TARS2: variants seen among roughly 807,000 people sequenced by gnomAD.
The protein encoded by TARS2 is threonine--tRNA ligase, mitochondrial.
In TARS2, 61 loss-of-function variants were observed where a neutral mutation model predicts 94.4. That is an observed-to-expected ratio of 0.65 (90% CI 0.53 to 0.80). The LOEUF is 0.80. Ranked by LOEUF, TARS2 falls within the 30% of genes least tolerant of loss-of-function variation. The probability of loss-of-function intolerance (pLI) is 0.00; values close to 1 mark genes in which losing one functional copy is unlikely to be tolerated. For synonymous variants in TARS2, 359 were observed against 353.4 expected (o/e 1.02, Z -0.18); for missense variants, 704 against 902.5 (o/e 0.78, Z 2.82).
chr1:150,498,597 T>C lies in TARS2; in HGVS notation c.1334T>C (p.Leu445Pro), dbSNP rs1560252876. ...CACCGGGCCGAAGCCTCTGGTGGTC[T>C]GGGGGGACTGACCCGACTGCGGTGC... ...ALHRAEASGG[L>P]GGLTRLRCFQ... Residue 445 changes from leucine (L) to proline (P), a missense_variant, in exon 11 of 18, where the codon CTG (leucine) becomes CCG (proline). Leu to Pro is a moderately conservative substitution (Grantham distance 98). Around this residue, in one of 3 missense-constraint regions of TARS2, gnomAD observed 466 missense variants for 609.5 expected, o/e 0.76. Transcript: ENST00000369064. 1 of 1,612,218 alleles carries C rather than the reference T, an allele frequency of 6.2e-7. No individual in the cohort carries two copies. Among genetic ancestry groups the C allele is most frequent in the South Asian group, 1.1e-5 (1 of 90,832 alleles).
At chr1:150,491,709 G>A (rs376067211) in intron 6 of TARS2, 47 bp downstream of exon 6, 27 of 1,587,100 alleles carry the variant, frequency 1.7e-5, no homozygotes, top group Non-Finnish European at 2.3e-5. Flanking sequence ...GGGAAGCATT[G>A]AAGAAGGCCA....
chr1:150,487,437 T>C lies in TARS2; in HGVS notation c.-14T>C, dbSNP rs760324863. On this transcript the variant is annotated 5_prime_UTR_variant, in exon 1 of 18. Coordinates refer to ENST00000369064, the MANE Select transcript of TARS2 (RefSeq NM_025150.5). The stretch of plus-strand genomic sequence containing the variant: ...ATAATCTGTTTGAGGATGTAGGCAC[T>C]GGTGTGAAGGAACATGGCCCTGTAT... 1.7e-5 allele frequency: 27 copies of C among 1,614,066 alleles called. No homozygotes were observed. The highest frequency in any genetic ancestry group is 2.2e-5 in the Non-Finnish European group (26 of 1,180,046).
At chr1:150,497,973 G>A (rs776929329) in intron 10 of TARS2, among the ~76,000 whole-genome samples, 15 of 151,752 alleles carry the variant, frequency 9.9e-5, no homozygotes, top group Non-Finnish European at 1.5e-4. Context: ...GGCGCCTGTA[G>A]TCCCAGCTAC....
In TARS2 at chr1:150,491,586, A is replaced by C. The variant is rs758330909; in HGVS notation, c.631-12A>C. On this transcript the variant is annotated splice_polypyrimidine_tract_variant and intron_variant, in intron 5 of 17. Transcript: ENST00000369064. ...AACACTTTTCTTCAATCTCCCTTCT[A>C]CCTTTTTCCAGGATAACCCCTTTAA... 1.9e-6 allele frequency: 3 copies of C among 1,614,078 alleles called. No individual in the cohort carries two copies. The South Asian group carries it at 3.3e-5, about 18-fold the overall frequency.
At chr1:150,499,090 T>G in intron 12 of TARS2, 56 bp downstream of exon 12, 1 of 1,612,976 alleles carries the variant, frequency 6.2e-7, no homozygotes, top group Non-Finnish European at 8.5e-7. Flanking sequence ...TGGGAAGGAG[T>G]GGAGAATACA....
Position 150,491,602 on chromosome 1 carries a change from A to C in TARS2, c.635A>C (p.Asn212Thr). Residue 212 changes from asparagine to threonine, a missense_variant, in exon 6 of 18, where the codon AAC becomes ACC. Coordinates refer to ENST00000369064, the MANE Select transcript of TARS2 (RefSeq NM_025150.5). ...RDQLRQLFKD[N>T]PFKLHLIEEK... ...CTCCCTTCTACCTTTTTCCAGGATA[A>C]CCCCTTTAAGCTTCACTTGATTGAG... 6.2e-7 allele frequency: 1 copy of C among 1,614,044 alleles called. No individual in the cohort carries two copies. Among genetic ancestry groups the C allele is most frequent in the Non-Finnish European group, 8.5e-7 (1 of 1,180,014 alleles).
chr1:150,505,478 C>G (rs587679713), intron 16 of TARS2, 113 bp from the exon 17 acceptor site: 7 of 959,544 alleles, frequency 7.3e-6, no homozygotes, highest in Non-Finnish European at 8.4e-6. Context: ...TGGAGAGCCC[C>G]GAGGCAGGGA....
Position 150,498,983 on chromosome 1 carries a change from C to T in TARS2, c.1488C>T (p.Thr496=), listed in dbSNP as rs1244143168. The T allele has an allele frequency of 1.9e-6, 3 of 1,614,216 alleles. No homozygotes were observed. Among genetic ancestry groups the T allele is most frequent in the South Asian group, 1.1e-5 (1 of 91,084 alleles). Residue 496 remains threonine, a synonymous_variant, in exon 12 of 18, where the codon ACC becomes ACT. Transcript: ENST00000369064. ...TCTCCTTCCGCCTGGCACTGTCCAC[C>T]CGGCCATCTGGCTTCCTGGGGGACC... ...LGFSFRLALS[T]RPSGFLGDPC...
chr1:150,503,665 A>T, intron 13 of TARS2, among the ~76,000 whole-genome samples: 2 of 149,636 alleles, frequency 1.3e-5, no homozygotes, highest in Non-Finnish European at 3.0e-5. Flanking sequence ...ATATGTGTGT[A>T]TATATGTGTG....
At chr1:150,487,790 C>T in intron 1 of TARS2, 68 bp from the exon 2 acceptor site, 2 of 1,561,324 alleles carry the variant, frequency 1.3e-6, no homozygotes, top group Non-Finnish European at 1.7e-6. Flanking sequence ...TCCCAAAGTG[C>T]CATCATCTGC....
intron 3 of TARS2, among the ~76,000 whole-genome samples, chr1:150,489,771 G>A (rs1332575552): frequency 2.0e-5 from 3 of 151,986 alleles, no homozygotes; most frequent in Admixed American, 6.6e-5. Context: ...TAGAAACCCC[G>A]TCTCTACTAA....
chr1:150,504,403 A>C lies in TARS2; in HGVS notation c.1686A>C (p.Gln562His). Residue 562 changes from glutamine to histidine, a missense_variant, in exon 14 of 18, where the codon CAA (glutamine) becomes CAC (histidine). Coordinates refer to ENST00000369064, the MANE Select transcript of TARS2 (RefSeq NM_025150.5). ...HQCGTIQLDF[Q>H]LPLRFDLQYK... The stretch of plus-strand genomic sequence containing the variant: ...GTGGGACAATTCAGCTTGACTTCCA[A>C]CTGCCCCTGAGATTTGACCTCCAGT... The C allele has an allele frequency of 6.2e-7, 1 of 1,614,044 alleles. No homozygotes were observed. The highest frequency in any genetic ancestry group is 8.5e-7 in the Non-Finnish European group (1 of 1,180,008).
intron 17 of TARS2, among the ~76,000 whole-genome samples, chr1:150,506,459 T>C (rs1670208977): frequency 6.8e-6 from 1 of 147,224 alleles, no homozygotes; most frequent in African/African-American, 2.5e-5. Context: ...TTCCACTTGC[T>C]CTAATACCCC....
At chr1:150,488,319 GCCACCA>G in intron 2 of TARS2, 1 of 358,860 alleles carries the variant, frequency 2.8e-6, no homozygotes, top group Non-Finnish European at 5.1e-6. Flanking sequence ...ACAGGCATGA[GCCACCA>G]AACCCGGCCT....
At position 150,507,181 on chromosome 1, in the gene TARS2, CAT is replaced by C; in HGVS notation, c.*118_*119del. 1 of 1,355,552 alleles carries C rather than the reference CAT, an allele frequency of 7.4e-7. No homozygotes were observed. 84.0% of individuals were successfully genotyped at this position (1,355,552 alleles called of 1,614,324 possible). On this transcript the variant is annotated 3_prime_UTR_variant, in exon 18 of 18. Coordinates refer to ENST00000369064, the MANE Select transcript of TARS2 (RefSeq NM_025150.5). ...AGAACTTCAGAACTGTGTGGAGGCA[CAT>C]GTCTGCTCTCCTGAAAAGAGACTTG...
intron 6 of TARS2, chr1:150,492,018 A>ATG (rs1364043521): frequency 4.1e-6 from 1 of 245,734 alleles, no homozygotes; most frequent in African/African-American, 2.6e-5. Flanking sequence ...CCAGGCTGGA[A>ATG]TGCAGTGGCG....
chr1:150,504,868 AG>A (rs757289893), intron 15 of TARS2, 37 bp from the exon 16 acceptor site: 1 of 1,613,314 alleles, frequency 6.2e-7, no homozygotes, highest in Non-Finnish European at 8.5e-7. Flanking sequence ...CCAGAGCCAG[AG>A]TGACTAATTT....
chr1:150,507,017 G>T lies in TARS2; in HGVS notation c.2110G>T (p.Val704Leu). ...CTTGCCTGAGGCTGTGCAGCGACTG[G>T]TGGAGCTACAGAACACGAGGGTCCC... Reference protein sequence around the residue: ...WDLPEAVQRLVELQNTRVPNA... With the variant: ...WDLPEAVQRLLELQNTRVPNA... The change falls in exon 18 of 18, where the codon GTG (valine) becomes TTG (leucine). Residue 704 changes from valine (V) to leucine (L), a missense_variant. Around this residue, in one of 3 missense-constraint regions of TARS2, gnomAD observed 466 missense variants for 609.5 expected, o/e 0.76. Transcript: ENST00000369064. 1 of 1,614,142 alleles carries T rather than the reference G, an allele frequency of 6.2e-7. No individual in the cohort carries two copies. The highest frequency in any genetic ancestry group is 8.5e-7 in the Non-Finnish European group (1 of 1,180,016).
At position 150,488,046 on chromosome 1, in the gene TARS2, G is replaced by T; in HGVS notation, c.255G>T (p.Arg85=). The T allele has an allele frequency of 6.2e-7, 1 of 1,613,840 alleles. No homozygotes were observed. The highest frequency in any genetic ancestry group is 8.5e-7 in the Non-Finnish European group (1 of 1,179,930). ...AWNTTPYQLA[R]QISSTLADTA... ...ACACAACCCCCTACCAACTAGCCCG[G>T]CAGATCAGGTAACAGGCCCATCCTG... Residue 85 remains arginine (R), a synonymous_variant, in exon 2 of 18, where the codon CGG becomes CGT. Transcript: ENST00000369064.
Sources: allele counts gnomAD v4.1 joint callset (sites outside exome capture counted in the v4.1 genomes callset), GRCh38; gene constraint gnomAD v4.1.1; regional missense constraint gnomAD v4.1.1; transcripts MANE v1.5; gene names NCBI Gene and HGNC (gene_info 2026-07-23, HGNC 2026-07-21).